RAPGEF2: variants seen among roughly 807,000 people sequenced by gnomAD.
RAPGEF2 encodes Rap guanine nucleotide exchange factor 2, also known as PDZ domain containing guanine nucleotide exchange factor (GEF) 1.
In RAPGEF2, 54 loss-of-function variants were observed where a neutral mutation model predicts 186.7. That is an observed-to-expected ratio of 0.29 (90% CI 0.23 to 0.36). The LOEUF is 0.36. RAPGEF2 is among the 10% of genes least tolerant of loss of function. The pLI, the probability that RAPGEF2 is intolerant of heterozygous loss-of-function variation, is 1.00. For synonymous variants in RAPGEF2, 712 were observed against 705.9 expected (o/e 1.01, Z -0.14); for missense variants, 1,532 against 2,045.0 (o/e 0.75, Z 4.84).
intron 4 of RAPGEF2, among the ~76,000 whole-genome samples, chr4:159,214,290 A>G (rs544716807): frequency 6.6e-6 from 1 of 152,338 alleles, no homozygotes; most frequent in Admixed American, 6.5e-5. Context: ...TTGTAGGTTG[A>G]TTTATTAAAA....
intron 2 of RAPGEF2, among the ~76,000 whole-genome samples, chr4:159,190,655 C>G (rs1748029415): frequency 6.6e-6 from 1 of 152,138 alleles, no homozygotes; most frequent in Non-Finnish European, 1.5e-5. Flanking sequence ...ACAATCATGG[C>G]AGAAGGGGAA....
Position 159,343,893 on chromosome 4 carries a change from G to A in RAPGEF2, c.3255-143G>A, listed in dbSNP as rs550982660. On this transcript the variant is annotated intron_variant, in intron 22 of 29. Transcript: ENST00000691494. ...AGAAAAATATTTCTAGTAAAGTTGC[G>A]TGTGTGAGGTGATTATGCAGTTTAA... 7.1e-5 allele frequency: 51 copies of A among 718,104 alleles called. 1 individual carries two copies. In the Admixed American group the frequency reaches 1.0e-3, roughly 15 times the overall value. 44.5% of individuals were successfully genotyped at this position (718,104 alleles called of 1,614,324 possible).
chr4:159,143,907 A>T (rs74865802), intron 1 of RAPGEF2, among the ~76,000 whole-genome samples: 3,135 of 152,314 alleles, frequency 0.021, 106 homozygotes, highest in African/African-American at 0.071. Flanking sequence ...CTGTGAGAAC[A>T]GAGTGACTCC....
intron 1 of RAPGEF2, among the ~76,000 whole-genome samples, chr4:159,171,865 T>G (rs530676881): frequency 4.4e-4 from 67 of 152,160 alleles, no homozygotes; most frequent in Admixed American, 3.4e-3. Context: ...TGTCCCAAGT[T>G]TTTGGATTTT....
intron 7 of RAPGEF2, among the ~76,000 whole-genome samples, chr4:159,295,749 GT>G (rs1310450448): frequency 9.1e-6 from 1 of 110,212 alleles, no homozygotes; most frequent in Non-Finnish European, 2.0e-5. Context: ...GTGTGTGTGT[GT>G]GTGTGCGCGC....
intron 7 of RAPGEF2, among the ~76,000 whole-genome samples, chr4:159,273,682 CTT>C (rs1227175129): frequency 1.4e-5 from 2 of 144,864 alleles, no homozygotes; most frequent in Non-Finnish European, 3.1e-5. Context: ...TTCTTTCTTT[CTT>C]TCTTTCTTTC....
chr4:159,295,742 T>TGCGC (rs1761888594), intron 7 of RAPGEF2, among the ~76,000 whole-genome samples: 1 of 133,460 alleles, frequency 7.5e-6, no homozygotes, highest in Non-Finnish European at 1.5e-5. Context: ...TGTGTGTGTG[T>TGCGC]GTGTGTGTGT....
In RAPGEF2 at chr4:159,294,983, G is replaced by A. The variant is rs541059404; in HGVS notation, c.544-9359G>A. Among the ~76,000 whole-genome samples, 5 of 152,244 alleles carry A rather than the reference G, an allele frequency of 3.3e-5. No homozygotes were observed. In the East Asian group the frequency reaches 9.6e-4, roughly 29 times the overall value. On this transcript the variant is annotated intron_variant, in intron 7 of 29. Transcript: ENST00000691494. ...GCTGGGATTACTGGCGTGAGCCATCGCACCTGGCCCGAGCTTTCATTTCTT... is the reference window on the plus strand; with the variant it reads ...GCTGGGATTACTGGCGTGAGCCATCACACCTGGCCCGAGCTTTCATTTCTT...
intron 28 of RAPGEF2, 31 bp from the exon 29 acceptor site, chr4:159,355,822 T>C: frequency 6.6e-7 from 1 of 1,513,116 alleles, no homozygotes; most frequent in South Asian, 1.2e-5. Context: ...ATGAACTAGT[T>C]TTTAATGCTG....
At chr4:159,272,524 T>C (rs1273663853) in intron 7 of RAPGEF2, among the ~76,000 whole-genome samples, 1 of 152,236 alleles carries the variant, frequency 6.6e-6, no homozygotes, top group African/African-American at 2.4e-5. Flanking sequence ...CAGTGCTTAA[T>C]TTTATTAATT....
chr4:159,289,802 G>A (rs1760958759), intron 7 of RAPGEF2, among the ~76,000 whole-genome samples: 1 of 151,360 alleles, frequency 6.6e-6, no homozygotes, highest in African/African-American at 2.5e-5. Context: ...GAATTAGCCA[G>A]GCCAGGGGTG....
intron 2 of RAPGEF2, among the ~76,000 whole-genome samples, chr4:159,191,224 G>C (rs1405109504): frequency 6.6e-6 from 1 of 152,064 alleles, no homozygotes; most frequent in African/African-American, 2.4e-5. Flanking sequence ...TGACTAGTAA[G>C]TTAAGCTGGA....
chr4:159,324,754 T>C (rs1045620105), intron 11 of RAPGEF2, among the ~76,000 whole-genome samples: 1 of 152,176 alleles, frequency 6.6e-6, no homozygotes, highest in Non-Finnish European at 1.5e-5. Context: ...ATCTAATAAT[T>C]GACTAGAGAA....
At chr4:159,211,220 G>T (rs1026396921) in intron 4 of RAPGEF2, among the ~76,000 whole-genome samples, 1 of 152,044 alleles carries the variant, frequency 6.6e-6, no homozygotes, top group Non-Finnish European at 1.5e-5. Flanking sequence ...AATCTGACTG[G>T]CCTGGGTTGG....
At chr4:159,293,951 C>G (rs963743820) in intron 7 of RAPGEF2, among the ~76,000 whole-genome samples, 3 of 152,124 alleles carry the variant, frequency 2.0e-5, no homozygotes, top group Non-Finnish European at 4.4e-5. Context: ...GTTCATACTC[C>G]AGTGGTTTGA....
In RAPGEF2 at chr4:159,358,948, A is replaced by C. The variant is rs2111367680; in HGVS notation, c.*809A>C. The C allele has an allele frequency of 6.6e-6, 1 of 152,316 alleles. No homozygotes were observed. The highest frequency in any genetic ancestry group is 1.9e-4 in the East Asian group (1 of 5,180). 9.4% of individuals were successfully genotyped at this position (152,316 alleles called of 1,614,324 possible). ...AAGACACCTCATCTGCTCCTTCCCC[A>C]GTGGATGGGGTTCTTCTGTAAAACT... On this transcript the variant is annotated 3_prime_UTR_variant, in exon 30 of 30. Transcript: ENST00000691494.
chr4:159,141,489 C>T (rs1302488218), intron 1 of RAPGEF2, among the ~76,000 whole-genome samples: 2 of 151,990 alleles, frequency 1.3e-5, no homozygotes, highest in African/African-American at 2.4e-5. Context: ...TGGTGAATAT[C>T]ATTGTGTGTA....
At chr4:159,253,827 G>C (rs537663337) in intron 7 of RAPGEF2, among the ~76,000 whole-genome samples, 5 of 152,274 alleles carry the variant, frequency 3.3e-5, no homozygotes, top group Non-Finnish European at 5.9e-5. Context: ...AATGAGCTGG[G>C]TGTGGTGGTG....
Position 159,343,347 on chromosome 4 carries a change from G to A in RAPGEF2, c.3197G>A (p.Arg1066His), listed in dbSNP as rs1729814139. The stretch of plus-strand genomic sequence containing the variant: ...CTAAGGATGATTGCAAAAGAAATTC[G>A]TCACGTTGGCCGAATGGCTTCAGTG... ...EKLRMIAKEIRHVGRMASVNM... is the reference protein window; with the variant it reads ...EKLRMIAKEIHHVGRMASVNM... Residue 1066 changes from arginine (R) to histidine (H), a missense_variant, in exon 22 of 30, where the codon CGT becomes CAT. By Grantham distance (29) the Arg-to-His change is conservative. This residue lies in a region of RAPGEF2 where 117 missense variants were observed against 180.8 expected (regional missense o/e 0.65). Coordinates refer to ENST00000691494, the MANE Select transcript of RAPGEF2 (RefSeq NM_001394067.2). 1.9e-6 allele frequency: 3 copies of A among 1,614,052 alleles called. No individual in the cohort carries two copies. Among genetic ancestry groups the A allele is most frequent in the Non-Finnish European group, 1.7e-6 (2 of 1,179,954 alleles).
Sources: allele counts gnomAD v4.1 joint callset (sites outside exome capture counted in the v4.1 genomes callset), GRCh38; gene constraint gnomAD v4.1.1; regional missense constraint gnomAD v4.1.1; transcripts MANE v1.5; gene names NCBI Gene and HGNC (gene_info 2026-07-23, HGNC 2026-07-21).